Variants in PDXDC1 observed in about 807,000 individuals in gnomAD.
PDXDC1 encodes the protein pyridoxal dependent decarboxylase domain containing 1.
Under a neutral mutation model 100.1 loss-of-function variants are expected in PDXDC1, and 42 were observed. The observed-to-expected ratio is 0.42, with a 90% CI of 0.33 to 0.54. PDXDC1 has a LOEUF of 0.54. PDXDC1 is among the 20% of genes least tolerant of loss of function. The pLI is 0.10. For synonymous variants in PDXDC1, 260 were observed against 371.7 expected (o/e 0.70, Z 3.46); for missense variants, 636 against 979.2 (o/e 0.65, Z 4.68).
intron 11 of PDXDC1, among the ~76,000 whole-genome samples, chr16:15,017,837 G>A (rs1194101874): frequency 6.6e-6 from 1 of 151,962 alleles, no homozygotes; most frequent in Non-Finnish European, 1.5e-5. Context: ...TGTCACCCAG[G>A]CTGGAGTGCA....
intron 16 of PDXDC1, chr16:15,125,527 C>T (rs904286649): frequency 1.2e-5 from 19 of 1,561,024 alleles, no homozygotes; most frequent in Middle Eastern, 2.3e-4. Flanking sequence ...CACCAGGGCT[C>T]GAGGTTTCTC....
At chr16:14,989,984 GGCGCCCGGCTCAC>G in intron 1 of PDXDC1, 16 of 1,460,840 alleles carry the variant, frequency 1.1e-5, no homozygotes, top group Non-Finnish European at 1.4e-5. Context: ...ACGGCTCGGT[GGCGCCCGGCTCAC>G]CCCAGGACCA....
intron 16 of PDXDC1, among the ~76,000 whole-genome samples, chr16:15,067,058 C>T (rs1200490666): frequency 7.0e-6 from 1 of 143,170 alleles, no homozygotes; most frequent in Non-Finnish European, 1.5e-5. Flanking sequence ...GTGCTGAAGC[C>T]TCCACCCACT....
intron 16 of PDXDC1, among the ~76,000 whole-genome samples, chr16:15,078,253 T>A (rs2045549570): frequency 6.6e-6 from 1 of 152,170 alleles, no homozygotes; most frequent in South Asian, 2.1e-4. Context: ...TGTTCCATCT[T>A]CCTGCTTTCC....
At chr16:15,139,941 C>T (rs976138949), downstream of PDXDC1, among the ~76,000 whole-genome samples, 28 of 151,574 alleles carry the variant, frequency 1.8e-4, no homozygotes, top group African/African-American at 6.8e-4. Flanking sequence ...ACTAAAAATG[C>T]AAAAATTAGG....
intron 16 of PDXDC1, among the ~76,000 whole-genome samples, chr16:15,085,010 G>A (rs982631342): frequency 1.4e-5 from 2 of 147,630 alleles, no homozygotes; most frequent in South Asian, 4.4e-4. Context: ...AGGCTGCAGC[G>A]AACCGAGATC....
chr16:14,980,322 A>G (rs950686934), intron 1 of PDXDC1, among the ~76,000 whole-genome samples: 1 of 152,238 alleles, frequency 6.6e-6, no homozygotes, highest in Admixed American at 6.5e-5. Flanking sequence ...TTGAGACGGA[A>G]TCTTGCTCTG....
In PDXDC1 at chr16:15,137,438, C is replaced by T. The variant is rs1293072697; in HGVS notation, c.1400-1441C>T. 2.4e-6 allele frequency: 3 copies of T among 1,267,876 alleles called. No homozygotes were observed. In the African/African-American group the frequency reaches 4.4e-5, roughly 19 times the overall value. 78.5% of individuals were successfully genotyped at this position (1,267,876 alleles called of 1,614,324 possible). On this transcript the variant is annotated intron_variant, in intron 16 of 16. Coordinates refer to the PDXDC1 transcript ENST00000535621. ...CTGGCCGGTGGAGAAGCAGAAGGCGCTGCAGGCCTCTGGCTGAAGCAGGCC... is the reference window on the plus strand; with the variant it reads ...CTGGCCGGTGGAGAAGCAGAAGGCGTTGCAGGCCTCTGGCTGAAGCAGGCC...
At chr16:14,998,810 T>C (rs1343072331) in intron 3 of PDXDC1, among the ~76,000 whole-genome samples, 1 of 152,294 alleles carries the variant, frequency 6.6e-6, no homozygotes, top group Non-Finnish European at 1.5e-5. Context: ...TTAGTTTTAA[T>C]GAACACATAG....
At chr16:15,151,886 G>A in the PDXDC1 span, among the ~76,000 whole-genome samples, 3 of 130,914 alleles carry the variant, frequency 2.3e-5, 1 homozygote, top group South Asian at 2.6e-4. Flanking sequence ...AGCCGAGATC[G>A]TGCCGTTGCA....
intron 16 of PDXDC1, among the ~76,000 whole-genome samples, chr16:15,098,437 G>T (rs368040516): frequency 3.9e-5 from 6 of 152,004 alleles, no homozygotes; most frequent in African/African-American, 1.4e-4. Context: ...CTGACCTCAG[G>T]TGATCTGCCT....
At chr16:15,007,407 C>G (rs1412285242) in intron 6 of PDXDC1, among the ~76,000 whole-genome samples, 2 of 152,144 alleles carry the variant, frequency 1.3e-5, no homozygotes, top group African/African-American at 2.4e-5. Flanking sequence ...ATCTCCTGGC[C>G]TCGTGATCTG....
At chr16:15,140,448 A>C (rs2048451998), downstream of PDXDC1, among the ~76,000 whole-genome samples, 2 of 126,854 alleles carry the variant, frequency 1.6e-5, no homozygotes, top group Non-Finnish European at 3.3e-5. Context: ...GCTCCATCTC[A>C]AAAAAAAAAA....
At chr16:15,082,530 G>A (rs1356410178) in intron 16 of PDXDC1, among the ~76,000 whole-genome samples, 1 of 151,860 alleles carries the variant, frequency 6.6e-6, no homozygotes, top group Non-Finnish European at 1.5e-5. Context: ...AAAATTAGCG[G>A]GGTGTGGTGC....
chr16:15,144,268 ACCTCTTCTGTTT>A (rs1350540427), downstream of PDXDC1, among the ~76,000 whole-genome samples: 1 of 151,980 alleles, frequency 6.6e-6, no homozygotes, highest in East Asian at 1.9e-4. Context: ...CCGAGCCATG[ACCTCTTCTGTTT>A]CCCTCTGCGC....
intron 16 of PDXDC1, chr16:15,130,579 C>T: frequency 7.4e-7 from 1 of 1,357,072 alleles, no homozygotes; most frequent in Non-Finnish European, 1.0e-6. Context: ...GTAACCCGGG[C>T]AATGCTGACC....
rs1461521974 is a variant in PDXDC1 at position 15,109,856 on chromosome 16, A to T, written c.1400-29023A>T. Reference sequence around the variant, plus strand: ...AGAGCGAGACTCTATCTCAAAATTTAAAAAAAAAAAAAAAAGGCTGGGTGT... The same window carrying T: ...AGAGCGAGACTCTATCTCAAAATTTTAAAAAAAAAAAAAAAGGCTGGGTGT... On this transcript the variant is annotated intron_variant, in intron 16 of 16. Transcript: ENST00000535621. 3.2e-4 allele frequency among the ~76,000 whole-genome samples: 31 copies of T among 96,294 alleles called. 1 individual carries two copies. Among genetic ancestry groups the T allele is most frequent in the Admixed American group, 1.2e-3 (11 of 9,164 alleles). 63.2% of individuals were successfully genotyped at this position (96,294 alleles called of 152,430 possible).
intron 3 of PDXDC1, among the ~76,000 whole-genome samples, chr16:15,000,550 T>C (rs1972920503): frequency 6.6e-6 from 1 of 152,262 alleles, no homozygotes; most frequent in Non-Finnish European, 1.5e-5. Context: ...CTCTTTTTAG[T>C]CTATTCTCAT....
chr16:15,126,655 A>AT (rs1162300755), intron 16 of PDXDC1: 2,087 of 113,802 alleles, frequency 0.018, 88 homozygotes, highest in South Asian at 0.035. Context: ...TCTTTGTGGG[A>AT]TTTTTTTTTT....
Sources: allele counts gnomAD v4.1 joint callset (sites outside exome capture counted in the v4.1 genomes callset), GRCh38; gene constraint gnomAD v4.1.1; transcripts MANE v1.5; gene names NCBI Gene and HGNC (gene_info 2026-07-23, HGNC 2026-07-21).